The following WWTR1 variants were observed in gnomAD, a reference collection of about 807,000 sequenced individuals.
WWTR1 encodes the protein WW domain-containing transcription regulator protein 1.
Under a neutral mutation model 40.1 loss-of-function variants are expected in WWTR1, and 13 were observed. The observed-to-expected ratio is 0.32, with a 90% CI of 0.21 to 0.52. WWTR1 has a LOEUF of 0.52. Among genes scored for constraint, WWTR1 ranks in the 20% least tolerant of loss-of-function variants. WWTR1 has a pLI of 0.97. For synonymous variants in WWTR1, 230 were observed against 210.1 expected, an observed-to-expected ratio of 1.09 and a Z score of -0.82; for missense variants, 436 against 523.1, an observed-to-expected ratio of 0.83 and a Z score of 1.63.
At chr3:149,715,151 T>C (rs1362615390) in intron 5 of WWTR1, among the ~76,000 whole-genome samples, 4 of 152,160 alleles carry the variant, frequency 2.6e-5, no homozygotes, top group Non-Finnish European at 5.9e-5. Context: ...ACCCACCAAA[T>C]GGCAAGGCTA....
chr3:149,689,446 T>C (rs1349834535), intron 1 of WWTR1, among the ~76,000 whole-genome samples: 3 of 82,852 alleles, frequency 3.6e-5, no homozygotes, highest in Admixed American at 2.3e-4. Context: ...AATAAGACCA[T>C]ATCAAGACAT....
At chr3:149,612,134 T>C (rs1193044068) in intron 2 of WWTR1, among the ~76,000 whole-genome samples, 1 of 152,174 alleles carries the variant, frequency 6.6e-6, no homozygotes, top group Non-Finnish European at 1.5e-5. Flanking sequence ...CTGGACTGTA[T>C]TCTAGACCAG....
chr3:149,546,468 T>C (rs1481699168), intron 3 of WWTR1, among the ~76,000 whole-genome samples: 3 of 152,196 alleles, frequency 2.0e-5, no homozygotes, highest in African/African-American at 7.2e-5. Flanking sequence ...AACTGTATTA[T>C]GAGCATGTTA....
intron 1 of WWTR1, among the ~76,000 whole-genome samples, chr3:149,691,268 CA>C (rs1479072283): frequency 6.6e-6 from 1 of 151,376 alleles, no homozygotes; most frequent in East Asian, 1.9e-4. Context: ...ACCAGAAAGG[CA>C]AGAGCAAACC....
intron 2 of WWTR1, among the ~76,000 whole-genome samples, chr3:149,599,671 T>C (rs936566308): frequency 3.9e-5 from 6 of 152,204 alleles, no homozygotes; most frequent in African/African-American, 1.4e-4. Context: ...ACAGTGGTAA[T>C]ATCCCAAACT....
chr3:149,561,533 C>T (rs1737078011), intron 3 of WWTR1, among the ~76,000 whole-genome samples: 1 of 152,330 alleles, frequency 6.6e-6, no homozygotes, highest in South Asian at 2.1e-4. Context: ...AGGAATTCCA[C>T]TTCTGCAAAA....
chr3:149,604,762 C>T (rs2108056396), intron 2 of WWTR1, among the ~76,000 whole-genome samples: 1 of 152,358 alleles, frequency 6.6e-6, no homozygotes, highest in South Asian at 2.1e-4. Context: ...TCTTCACACC[C>T]TCCCAGTCTG....
intron 4 of WWTR1, among the ~76,000 whole-genome samples, chr3:149,532,385 C>A (rs1490285851): frequency 1.3e-5 from 2 of 152,124 alleles, no homozygotes; most frequent in Admixed American, 1.3e-4. Flanking sequence ...AGGGATTAAA[C>A]CAAAGTGTGA....
chr3:149,523,822 A>T (rs923280346), intron 6 of WWTR1, among the ~76,000 whole-genome samples: 1 of 152,036 alleles, frequency 6.6e-6, no homozygotes, highest in Non-Finnish European at 1.5e-5. Context: ...TATAATTAAC[A>T]TTTCTCCCCT....
upstream of WWTR1, among the ~76,000 whole-genome samples, chr3:149,704,913 C>A (rs1312045904): frequency 1.4e-5 from 2 of 147,836 alleles, no homozygotes; most frequent in South Asian, 2.1e-4. Context: ...AGAGAGGAAA[C>A]AAAGTCTTGA....
chr3:149,559,293 C>CAA lies in WWTR1; in HGVS notation c.568+13569_568+13570dup, dbSNP rs57470539. ...TGGGCAACAGAGCAAGACTCCATCT[C>CAA]AAAAAAAAAAAAAAAAAAAAGAAAA... On this transcript the variant is annotated intron_variant, in intron 3 of 6. Transcript: ENST00000360632. Among the ~76,000 whole-genome samples, 490 of 58,046 alleles carry CAA rather than the reference C, an allele frequency of 8.4e-3. 7 individuals carry two copies. Among genetic ancestry groups the CAA allele is most frequent in the African/African-American group, 0.027 (414 of 15,240 alleles). 38.1% of individuals were successfully genotyped at this position (58,046 alleles called of 152,430 possible). A position where few individuals can be genotyped will look rare whatever the true frequency, so the allele number is the denominator to read the frequency against.
At chr3:149,698,266 T>A (rs1236268597) in intron 1 of WWTR1, among the ~76,000 whole-genome samples, 2 of 152,166 alleles carry the variant, frequency 1.3e-5, no homozygotes, top group Non-Finnish European at 2.9e-5. Context: ...GTTCCCCCCA[T>A]ACTGTTCTCG....
chr3:149,546,346 T>A (rs1478476709), intron 3 of WWTR1, among the ~76,000 whole-genome samples: 1 of 152,266 alleles, frequency 6.6e-6, no homozygotes, highest in Non-Finnish European at 1.5e-5. Context: ...AGATTAAAAA[T>A]GATCTTAATG....
At chr3:149,671,540 C>T (rs1714090132) in intron 1 of WWTR1, among the ~76,000 whole-genome samples, 1 of 152,146 alleles carries the variant, frequency 6.6e-6, no homozygotes, top group Non-Finnish European at 1.5e-5. Flanking sequence ...TAAAATATTA[C>T]ATCGTATGTT....
Position 149,690,966 on chromosome 3 carries a change from T to C in WWTR1, c.-108+12158A>G, listed in dbSNP as rs182631794. 1.6e-3 allele frequency among the ~76,000 whole-genome samples: 238 copies of C among 152,154 alleles called. 3 individuals carry two copies. Among genetic ancestry groups the C allele is most frequent in the African/African-American group, 4.8e-3 (200 of 41,548 alleles). ...GAACTTTGAAAACTATATAAACACATGGAAATTAAACAATGCTCCTGAATG... is the reference window on the plus strand; with the variant it reads ...GAACTTTGAAAACTATATAAACACACGGAAATTAAACAATGCTCCTGAATG... On this transcript the variant is annotated intron_variant, in intron 1 of 7. Coordinates refer to the WWTR1 transcript ENST00000465804.
chr3:149,525,256 A>G (rs1735244220), intron 6 of WWTR1, among the ~76,000 whole-genome samples: 1 of 152,178 alleles, frequency 6.6e-6, no homozygotes, highest in African/African-American at 2.4e-5. Context: ...TGCTTTTCAA[A>G]TGCAGTGAAT....
intron 2 of WWTR1, among the ~76,000 whole-genome samples, chr3:149,601,709 T>A (rs1412087895): frequency 1.7e-5 from 1 of 59,690 alleles, no homozygotes; most frequent in Non-Finnish European, 3.4e-5. Flanking sequence ...TGAAAAAAAT[T>A]ATTTTTTTTT....
intron 2 of WWTR1, among the ~76,000 whole-genome samples, chr3:149,580,531 G>A (rs1247930729): frequency 6.6e-6 from 1 of 152,198 alleles, no homozygotes; most frequent in Non-Finnish European, 1.5e-5. Flanking sequence ...AAGCCCCATC[G>A]CAGTGGATGC....
At chr3:149,562,132 TA>T (rs1397714455) in intron 3 of WWTR1, among the ~76,000 whole-genome samples, 1 of 151,902 alleles carries the variant, frequency 6.6e-6, no homozygotes, top group Non-Finnish European at 1.5e-5. Context: ...CTGTCTCTAC[TA>T]AAAATACAAA....
Sources: gnomAD v4.1 joint callset for allele counts (sites outside exome capture counted in the v4.1 genomes callset) on GRCh38, gnomAD v4.1.1 for gene constraint, MANE v1.5 for transcripts, NCBI Gene and HGNC (gene_info 2026-07-23, HGNC 2026-07-21) for gene names.